NPPA: variants seen among roughly 807,000 people sequenced by gnomAD.
NPPA encodes the protein natriuretic peptide A.
Under a neutral mutation model 12.2 loss-of-function variants are expected in NPPA, and 10 were observed. That is an observed-to-expected ratio of 0.82 (90% CI 0.50 to 1.38). The LOEUF is 1.38. Among genes scored for constraint, NPPA ranks in the 40% most tolerant of loss-of-function variants. The pLI is 0.00. For missense variants in NPPA, 207 were observed against 193.5 expected, an observed-to-expected ratio of 1.07 and a Z score of -0.41; for synonymous variants, 85 against 80.2, an observed-to-expected ratio of 1.06 and a Z score of -0.32.
chr1:11,846,544 T>A (rs1645069810), intron 2 of NPPA, among the ~76,000 whole-genome samples: 1 of 151,386 alleles, frequency 6.6e-6, no homozygotes, highest in African/African-American at 2.4e-5. Flanking sequence ...ATGGTCTCCA[T>A]CTCCTGACCT....
intron 2 of NPPA, among the ~76,000 whole-genome samples, chr1:11,846,359 G>T (rs539728220): frequency 7.5e-6 from 1 of 133,342 alleles, no homozygotes; most frequent in Non-Finnish European, 1.5e-5. Context: ...TTGCTCTGTC[G>T]CCCAGGCTGG....
Position 11,847,353 on chromosome 1 carries a change from C to A in NPPA, c.210G>T (p.Ala70=). 6.2e-7 allele frequency: 1 copy of A among 1,613,820 alleles called. No homozygotes were observed. Among genetic ancestry groups the A allele is most frequent in the Non-Finnish European group, 8.5e-7 (1 of 1,179,894 alleles). ...CAGGGAGGGGGCTGAGAGCAGCCCC[C>A]GCTTCTTCATTCGGCTCACTGAGCA... ...PQVLSEPNEE[A]GAALSPLPEV... The change falls in exon 2 of 3, where the codon GCG becomes GCT. Residue 70 remains alanine (A), a synonymous_variant. Transcript: ENST00000376480.
Position 11,847,583 on chromosome 1 carries a change from G to A in NPPA, c.102C>T (p.Asn34=), listed in dbSNP as rs529171913. 26 of 1,614,136 alleles carry A rather than the reference G, an allele frequency of 1.6e-5. No individual in the cohort carries two copies. The highest frequency in any genetic ancestry group is 3.3e-5 in the South Asian group (3 of 91,074). ...CTACCTTGAAATCCATCAGGTCTGC[G>A]TTGGACACGGCATTGTACATGGGAT... The part of the protein sequence containing the change: ...RANPMYNAVS[N]ADLMDFKNLL... Residue 34 remains asparagine, a synonymous_variant, in exon 1 of 3, where the codon AAC becomes AAT. Coordinates refer to ENST00000376480, the MANE Select transcript of NPPA (RefSeq NM_006172.4).
rs952124631 is a variant in NPPA, at chr1:11,847,199, G to A, written c.364C>T (p.Pro122Ser). The part of the protein sequence containing the change: ...KSKLRALLTA[P>S]RSLRRSSCFG... ...CAGCTGGATCTCCGCAGGCTCCGAG[G>A]GGCAGTGAGCAGCGCCCTCAGCTTG... The change falls in exon 2 of 3, where the codon CCT becomes TCT. Residue 122 changes from proline to serine, a missense_variant. Physicochemically the swap from Pro to Ser is moderately conservative, Grantham distance 74 (BLOSUM62 -1). Transcript: ENST00000376480. 11 of 1,607,840 alleles carry A rather than the reference G, an allele frequency of 6.8e-6. No homozygotes were observed. The highest frequency in any genetic ancestry group is 9.4e-6 in the Non-Finnish European group (11 of 1,175,146).
chr1:11,846,640 C>G (rs1645070715), intron 2 of NPPA, among the ~76,000 whole-genome samples: 1 of 87,726 alleles, frequency 1.1e-5, no homozygotes, highest in Non-Finnish European at 2.1e-5. Flanking sequence ...TTTTTTGAGA[C>G]AGTCTCGCTC....
chr1:11,846,469 T>C (rs989382170), intron 2 of NPPA, among the ~76,000 whole-genome samples: 2 of 151,532 alleles, frequency 1.3e-5, no homozygotes, highest in South Asian at 2.1e-4. Flanking sequence ...TACAGGCGCC[T>C]GCCACCACGC....
chr1:11,847,343 GAGC>G lies in NPPA; in HGVS notation c.217_219del (p.Ala73del), dbSNP rs1454410704. 4.3e-6 allele frequency: 7 copies of G among 1,613,404 alleles called. No individual in the cohort carries two copies. Among genetic ancestry groups the G allele is most frequent in the Non-Finnish European group, 5.9e-6 (7 of 1,179,682 alleles). ...GGAGGCACCTCAGGGAGGGGGCTGA[GAGC>G]AGCCCCCGCTTCTTCATTCGGCTCA... On this transcript the variant is annotated inframe_deletion, in exon 2 of 3. Transcript: ENST00000376480.
chr1:11,846,802 G>A (rs1557442448), intron 2 of NPPA, among the ~76,000 whole-genome samples: 1 of 151,550 alleles, frequency 6.6e-6, no homozygotes, highest in Non-Finnish European at 1.5e-5. Context: ...TTTTAGTAGA[G>A]CTGGGGTTTC....
Position 11,847,244 on chromosome 1 carries a change from G to C in NPPA, c.319C>G (p.Arg107Gly). The C allele has an allele frequency of 6.2e-7, 1 of 1,613,522 alleles. No homozygotes were observed. The highest frequency in any genetic ancestry group is 1.1e-5 in the South Asian group (1 of 91,072). ...LGRGPWDSSDRSALLKSKLRA... is the reference protein window; with the variant it reads ...LGRGPWDSSDGSALLKSKLRA... Reference sequence around the variant, plus strand: ...AGCTTGCTTTTTAGGAGGGCAGATCGATCAGAGGAGTCCCAGGGGCCCCGC... The same window carrying C: ...AGCTTGCTTTTTAGGAGGGCAGATCCATCAGAGGAGTCCCAGGGGCCCCGC... The change falls in exon 2 of 3, where the codon CGA becomes GGA. Residue 107 changes from arginine (R) to glycine (G), a missense_variant. Physicochemically the swap from Arg to Gly is moderately radical, Grantham distance 125. Coordinates refer to ENST00000376480, the MANE Select transcript of NPPA (RefSeq NM_006172.4).
intron 2 of NPPA, 70 bp from the exon 3 acceptor site, chr1:11,846,084 A>T: frequency 1.3e-6 from 2 of 1,512,834 alleles, no homozygotes; most frequent in Non-Finnish European, 1.8e-6. Flanking sequence ...TTCATGTATG[A>T]GTGTGCCCAT....
chr1:11,847,391 C>T lies in NPPA; in HGVS notation c.172G>A (p.Val58Met), dbSNP rs768114654. ...EEKMPLEDEVVPPQVLSEPNE... is the reference protein window; with the variant it reads ...EEKMPLEDEVMPPQVLSEPNE... ...GGCTCACTGAGCACTTGTGGGGGCA[C>T]GACCTCATCTTCTAAAGGCATCTTT... is the stretch of plus-strand genomic sequence containing the variant. The change falls in exon 2 of 3, where the codon GTG becomes ATG. Residue 58 changes from valine (V) to methionine (M), a missense_variant. Val to Met is a conservative substitution (Grantham distance 21). Coordinates refer to ENST00000376480, the MANE Select transcript of NPPA (RefSeq NM_006172.4). 58 of 1,614,004 alleles carry T rather than the reference C, an allele frequency of 3.6e-5. No homozygotes were observed. Among genetic ancestry groups the T allele is most frequent in the South Asian group, 8.8e-5 (8 of 91,084 alleles).
Position 11,847,746 on chromosome 1 carries a change from C to G in NPPA, c.-62G>C. The G allele has an allele frequency of 6.2e-7, 1 of 1,612,016 alleles. No homozygotes were observed. The highest frequency in any genetic ancestry group is 8.5e-7 in the Non-Finnish European group (1 of 1,179,472). The stretch of plus-strand genomic sequence containing the variant: ...TCTGTCTCTCCCCTCTGGTTCCTCT[C>G]TGGTTCCCCTCTCTTGGCCTACGTC... On this transcript the variant is annotated 5_prime_UTR_variant, in exon 1 of 3. Coordinates refer to ENST00000376480, the MANE Select transcript of NPPA (RefSeq NM_006172.4).
In NPPA at chr1:11,847,637, T is replaced by C. The variant is rs1433356355; in HGVS notation, c.48A>G (p.Ala16=). 6.2e-7 allele frequency: 1 copy of C among 1,614,098 alleles called. No individual in the cohort carries two copies. The highest frequency in any genetic ancestry group is 1.3e-5 in the African/African-American group (1 of 75,010). The change falls in exon 1 of 3, where the codon GCA becomes GCG. Residue 16 remains alanine, a synonymous_variant. Transcript: ENST00000376480. ...CTCTGGTCTGACCTAGGAGCTGGAA[T>C]GCCAGTAAAAGGAGGAAGCTCACGG... ...TTTVSFLLLL[A]FQLLGQTRAN... is the part of the protein sequence containing the mutation.
At position 11,847,174 on chromosome 1, in the gene NPPA, C is replaced by T; in HGVS notation, c.389G>A (p.Cys130Tyr). 6.3e-7 allele frequency: 1 copy of T among 1,591,522 alleles called. No individual in the cohort carries two copies. Among genetic ancestry groups the T allele is most frequent in the South Asian group, 1.1e-5 (1 of 89,450 alleles). Residue 130 changes from cysteine to tyrosine, a missense_variant, in exon 2 of 3, where the codon TGC becomes TAC. Transcript: ENST00000376480. ...AATCCTGTCCATCCTGCCCCCGAAG[C>T]AGCTGGATCTCCGCAGGCTCCGAGG... is the stretch of plus-strand genomic sequence containing the variant. ...TAPRSLRRSSCFGGRMDRIGA... is the reference protein window; with the variant it reads ...TAPRSLRRSSYFGGRMDRIGA...
At chr1:11,847,055 T>C in intron 2 of NPPA, 58 bp downstream of exon 2, 1 of 1,457,630 alleles carries the variant, frequency 6.9e-7, no homozygotes, top group Non-Finnish European at 9.1e-7. Context: ...CCTTTCCTGC[T>C]GAAGGTGTCT....
Position 11,847,440 on chromosome 1 carries a change from C to T in NPPA, c.124-1G>A, listed in dbSNP as rs867089114. The T allele has an allele frequency of 1.9e-6, 3 of 1,614,106 alleles. No homozygotes were observed. The highest frequency in any genetic ancestry group is 2.7e-5 in the African/African-American group (2 of 75,054). On this transcript the variant is annotated splice_acceptor_variant, in intron 1 of 2. Coordinates refer to ENST00000376480, the MANE Select transcript of NPPA (RefSeq NM_006172.4). LOFTEE classifies it high-confidence loss of function. ...TTTCTTCCAAATGGTCCAGCAAATT[C>T]TTTAGAAAAGGAAAATACAGGGAAA...
Position 11,847,220 on chromosome 1 carries a change from G to C in NPPA, c.343C>G (p.Leu115Val). Reference sequence around the variant, plus strand: ...CGAGGGGCAGTGAGCAGCGCCCTCAGCTTGCTTTTTAGGAGGGCAGATCGA... The same window carrying C: ...CGAGGGGCAGTGAGCAGCGCCCTCACCTTGCTTTTTAGGAGGGCAGATCGA... ...SDRSALLKSK[L>V]RALLTAPRSL... Residue 115 changes from leucine to valine, a missense_variant, in exon 2 of 3, where the codon CTG becomes GTG. Transcript: ENST00000376480. 1.9e-6 allele frequency: 3 copies of C among 1,612,184 alleles called. No homozygotes were observed.
In NPPA at chr1:11,847,697, A is replaced by C. The variant is rs1645079861; in HGVS notation, c.-13T>G. ...AGAAGGAGCTCATGCTGGCGTCGTC[A>C]AGGAGCAATCCACTGCTTGCTGCTC... On this transcript the variant is annotated 5_prime_UTR_variant, in exon 1 of 3. Coordinates refer to ENST00000376480, the MANE Select transcript of NPPA (RefSeq NM_006172.4). 6.2e-7 allele frequency: 1 copy of C among 1,614,002 alleles called. No homozygotes were observed.
At position 11,847,101 on chromosome 1, in the gene NPPA, A is replaced by G. The variant is rs1240431675; in HGVS notation, c.450+12T>C. On this transcript the variant is annotated intron_variant, in intron 2 of 2. Coordinates refer to ENST00000376480, the MANE Select transcript of NPPA (RefSeq NM_006172.4). ...TCCATCCCATCCCATTTCCATCCCC[A>G]GTTCCTCTTACCCGGAAGCTGTTAC... The G allele has an allele frequency of 7.2e-6, 11 of 1,520,932 alleles. No individual in the cohort carries two copies. The highest frequency in any genetic ancestry group is 1.4e-5 in the African/African-American group (1 of 71,804). 94.2% of individuals were successfully genotyped at this position (1,520,932 alleles called of 1,614,324 possible).
Sources: gnomAD v4.1 joint callset for allele counts (sites outside exome capture counted in the v4.1 genomes callset) on GRCh38, gnomAD v4.1.1 for gene constraint, MANE v1.5 for transcripts, NCBI Gene and HGNC (gene_info 2026-07-23, HGNC 2026-07-21) for gene names.